The following CCDC148 variants were observed in gnomAD, a reference collection of about 807,000 sequenced individuals.
The protein encoded by CCDC148 is coiled-coil domain-containing protein 148.
CCDC148 carries 89 observed loss-of-function variants against 85.7 expected under a neutral mutation model. The ratio of observed to expected loss-of-function variants is 1.04; its 90% CI spans 0.87 to 1.24. The LOEUF is 1.24. CCDC148 is among the 50% of genes most tolerant of loss of function. The pLI is 0.00. For missense variants in CCDC148, 692 were observed against 671.7 expected (o/e 1.03, Z -0.33); for synonymous variants, 230 against 213.9 (o/e 1.08, Z -0.66).
At chr2:158,197,799 C>G (rs1015123833) in intron 11 of CCDC148, among the ~76,000 whole-genome samples, 3 of 152,010 alleles carry the variant, frequency 2.0e-5, no homozygotes, top group Non-Finnish European at 2.9e-5. Flanking sequence ...TTCCAGTATC[C>G]TGGAATTTGC....
chr2:158,208,600 T>C (rs1686383105), intron 11 of CCDC148, among the ~76,000 whole-genome samples: 1 of 152,150 alleles, frequency 6.6e-6, no homozygotes, highest in Non-Finnish European at 1.5e-5. Context: ...ATGCCCAATG[T>C]CATGAGACCA....
intron 12 of CCDC148, 47 bp downstream of exon 12, chr2:158,178,832 A>G: frequency 3.1e-6 from 4 of 1,281,196 alleles, no homozygotes; most frequent in Non-Finnish European, 4.5e-6. Flanking sequence ...ACTTAGAAAC[A>G]TTTTTTTTAA....
At chr2:158,194,437 T>G (rs1281618662) in intron 11 of CCDC148, among the ~76,000 whole-genome samples, 2 of 152,176 alleles carry the variant, frequency 1.3e-5, no homozygotes, top group African/African-American at 4.8e-5. Flanking sequence ...TTTCTAGACC[T>G]GTCTCACCAG....
At chr2:158,433,074 C>CAAA (rs755383954) in intron 1 of CCDC148, among the ~76,000 whole-genome samples, 6 of 74,020 alleles carry the variant, frequency 8.1e-5, no homozygotes, top group African/African-American at 2.0e-4. Context: ...CTCATCTCTA[C>CAAA]AAAAAAAAAA....
At chr2:158,256,493 A>G (rs1385977937) in intron 9 of CCDC148, among the ~76,000 whole-genome samples, 1 of 151,844 alleles carries the variant, frequency 6.6e-6, no homozygotes, top group Non-Finnish European at 1.5e-5. Context: ...AATAATAATA[A>G]TTAAACATTA....
At chr2:158,357,842 AC>A (rs760694140) in intron 2 of CCDC148, among the ~76,000 whole-genome samples, 4 of 152,140 alleles carry the variant, frequency 2.6e-5, no homozygotes, top group Non-Finnish European at 5.9e-5. Context: ...GCTTCACCTA[AC>A]CTGTTTTTTG....
intron 1 of CCDC148, among the ~76,000 whole-genome samples, chr2:158,430,744 A>C (rs1687309244): frequency 6.6e-6 from 1 of 152,192 alleles, no homozygotes; most frequent in Admixed American, 6.5e-5. Flanking sequence ...TTATGTATGA[A>C]TTTTAAAAAG....
chr2:158,219,133 G>A (rs1317376499), intron 11 of CCDC148, among the ~76,000 whole-genome samples: 3 of 152,264 alleles, frequency 2.0e-5, no homozygotes, highest in Non-Finnish European at 4.4e-5. Flanking sequence ...TTATTATAGC[G>A]ATTTTAGGTT....
At chr2:158,217,812 T>C (rs1165048908) in intron 11 of CCDC148, among the ~76,000 whole-genome samples, 1 of 152,202 alleles carries the variant, frequency 6.6e-6, no homozygotes, top group African/African-American at 2.4e-5. Context: ...CTGAACACAG[T>C]TCTGGAAACT....
intron 1 of CCDC148, among the ~76,000 whole-genome samples, chr2:158,432,339 A>T (rs1484034208): frequency 6.6e-6 from 1 of 152,196 alleles, no homozygotes. Context: ...ATTGTCAAAC[A>T]TGATAAAAAC....
chr2:158,437,052 T>G (rs898345207), intron 1 of CCDC148, among the ~76,000 whole-genome samples: 3 of 152,084 alleles, frequency 2.0e-5, no homozygotes, highest in South Asian at 2.1e-4. Context: ...AGAGGTAGAA[T>G]GAGGAGCTGG....
chr2:158,438,091 C>A (rs1687750033), intron 1 of CCDC148, among the ~76,000 whole-genome samples: 1 of 152,114 alleles, frequency 6.6e-6, no homozygotes, highest in Non-Finnish European at 1.5e-5. Flanking sequence ...ATCAAGCTAC[C>A]AATGACTTTC....
intron 10 of CCDC148, among the ~76,000 whole-genome samples, chr2:158,243,921 A>G (rs1688456472): frequency 6.6e-6 from 1 of 151,978 alleles, no homozygotes. Flanking sequence ...TAGTTCATCA[A>G]CTAGGAAGTT....
At chr2:158,441,474 G>A (rs1188333063) in intron 1 of CCDC148, among the ~76,000 whole-genome samples, 1 of 152,160 alleles carries the variant, frequency 6.6e-6, no homozygotes, top group Non-Finnish European at 1.5e-5. Context: ...ACAGAATGTA[G>A]TTGACTTATA....
intron 1 of CCDC148, among the ~76,000 whole-genome samples, chr2:158,380,066 G>C (rs952503918): frequency 6.6e-6 from 1 of 152,102 alleles, no homozygotes; most frequent in African/African-American, 2.4e-5. Context: ...GACTATAGGT[G>C]TGTACCACTG....
chr2:158,240,452 T>TCTCACACACA (rs941238898), intron 10 of CCDC148, among the ~76,000 whole-genome samples: 245 of 120,532 alleles, frequency 2.0e-3, no homozygotes, highest in African/African-American at 6.8e-3. Context: ...TCTCTCTCTC[T>TCTCACACACA]CACACACACA....
At chr2:158,231,826 T>C (rs191161954) in intron 10 of CCDC148, among the ~76,000 whole-genome samples, 2 of 152,258 alleles carry the variant, frequency 1.3e-5, no homozygotes, top group East Asian at 1.9e-4. Context: ...AACAGTTTTC[T>C]TTTCAGGATG....
intron 10 of CCDC148, among the ~76,000 whole-genome samples, chr2:158,229,215 A>T (rs1252031949): frequency 6.6e-6 from 1 of 152,158 alleles, no homozygotes; most frequent in Admixed American, 6.6e-5. Flanking sequence ...ATCTTGAATC[A>T]GCAATAGACT....
intron 10 of CCDC148, among the ~76,000 whole-genome samples, chr2:158,227,154 C>T (rs1403132226): frequency 6.6e-6 from 1 of 152,140 alleles, no homozygotes; most frequent in African/African-American, 2.4e-5. Flanking sequence ...CATTCCCATA[C>T]ACCAATAACA....
Sources: allele counts gnomAD v4.1 joint callset (sites outside exome capture counted in the v4.1 genomes callset), GRCh38; gene constraint gnomAD v4.1.1; transcripts MANE v1.5; gene names NCBI Gene and HGNC (gene_info 2026-07-23, HGNC 2026-07-21).